The following OBI1 variants were observed in gnomAD, a reference collection of about 807,000 sequenced individuals.
The protein encoded by OBI1 is ring finger protein 219.
OBI1 carries 59 observed loss-of-function variants against 62.4 expected under a neutral mutation model. The observed-to-expected ratio is 0.95, with a 90% CI of 0.77 to 1.17. The LOEUF is 1.17. OBI1 is among the 50% of genes most tolerant of loss of function. The probability of loss-of-function intolerance (pLI) is 0.00; values close to 1 mark genes in which losing one functional copy is unlikely to be tolerated. For synonymous variants in OBI1, 302 were observed against 292.8 expected, an observed-to-expected ratio of 1.03 and a Z score of -0.32; for missense variants, 875 against 830.9, an observed-to-expected ratio of 1.05 and a Z score of -0.65.
rs1300897232 is a variant in OBI1, at chr13:78,644,918, T to G, written c.152A>C (p.Gln51Pro). Reference protein sequence around the residue: ...CIDLWLKNNSQCPACRVPITP... With the variant: ...CIDLWLKNNSPCPACRVPITP... ...GATGGGGACTCTGCAAGCTGGACAC[T>G]GGCTATTATTCTTCAACCACAAATC... The change falls in exon 2 of 6, where the codon CAG (glutamine) becomes CCG (proline). Residue 51 changes from glutamine to proline, a missense_variant. Gln to Pro is a moderately conservative substitution (Grantham distance 76, BLOSUM62 -1). Coordinates refer to ENST00000282003, the MANE Select transcript of OBI1 (RefSeq NM_024546.4). 1 of 1,613,936 alleles carries G rather than the reference T, an allele frequency of 6.2e-7. No homozygotes were observed. Among genetic ancestry groups the G allele is most frequent in the Admixed American group, 1.7e-5 (1 of 59,994 alleles).
intron 4 of OBI1, among the ~76,000 whole-genome samples, chr13:78,636,089 T>C (rs1349443426): frequency 6.6e-6 from 1 of 152,122 alleles, no homozygotes; most frequent in East Asian, 1.9e-4. Context: ...ATAAATTCTA[T>C]GAATTGTTCT....
Position 78,616,439 on chromosome 13 carries a change from T to C in OBI1, c.1322A>G (p.Asp441Gly). ...FCDSSNVSNK[D>G]SSEDDISRSE... ...TCTACTTATATCATCTTCTGAAGAA[T>C]CTTTATTAGAAACATTTGAAGAATC... is the stretch of plus-strand genomic sequence containing the variant. The change falls in exon 6 of 6, where the codon GAT becomes GGT. Residue 441 changes from aspartate to glycine, a missense_variant. Physicochemically the swap from Asp to Gly is moderately conservative, Grantham distance 94. Transcript: ENST00000282003. The C allele has an allele frequency of 3.1e-6, 5 of 1,613,370 alleles. No homozygotes were observed. In the South Asian group the frequency reaches 5.5e-5, roughly 18 times the overall value.
At position 78,635,888 on chromosome 13, in the gene OBI1, G is replaced by A. The variant is rs542020753; in HGVS notation, c.550-690C>T. On this transcript the variant is annotated intron_variant, in intron 4 of 5. Transcript: ENST00000282003. ...GGTGATTCTCCTGTCTCAGCCTCCCGAAGAGCTGGGACTACAGGCATGTGC... is the reference window on the plus strand; with the variant it reads ...GGTGATTCTCCTGTCTCAGCCTCCCAAAGAGCTGGGACTACAGGCATGTGC... Among the ~76,000 whole-genome samples the A allele has an allele frequency of 3.3e-5, 5 of 152,132 alleles. No homozygotes were observed. In the East Asian group the frequency reaches 9.7e-4, roughly 29 times the overall value.
At chr13:78,644,069 T>C (rs999630356) in intron 2 of OBI1, among the ~76,000 whole-genome samples, 6 of 152,142 alleles carry the variant, frequency 3.9e-5, no homozygotes, top group African/African-American at 1.2e-4. Context: ...CCCACCAATA[T>C]TAATGTGACA....
chr13:78,651,450 T>C (rs927828792), intron 1 of OBI1, among the ~76,000 whole-genome samples: 6 of 152,162 alleles, frequency 3.9e-5, no homozygotes, highest in Admixed American at 2.0e-4. Flanking sequence ...GACCTACCAT[T>C]TCAATATTTG....
intron 1 of OBI1, among the ~76,000 whole-genome samples, 190 bp from the exon 2 acceptor site, chr13:78,645,187 G>C (rs1378781664): frequency 6.6e-6 from 1 of 151,846 alleles, no homozygotes; most frequent in African/African-American, 2.4e-5. Context: ...AGAGATACTA[G>C]ATGAGATACT....
intron 5 of OBI1, among the ~76,000 whole-genome samples, chr13:78,618,181 T>A (rs981227): frequency 0.36 from 54,904 of 151,794 alleles, 10,243 homozygotes; most frequent in East Asian, 0.37. Flanking sequence ...AAATACCTTA[T>A]CTCCTCCAAA....
At chr13:78,636,010 G>T (rs1218136968) in intron 4 of OBI1, among the ~76,000 whole-genome samples, 2 of 152,044 alleles carry the variant, frequency 1.3e-5, no homozygotes, top group African/African-American at 4.8e-5. Context: ...TGATCCACCT[G>T]CCCCAGCCTC....
intron 5 of OBI1, among the ~76,000 whole-genome samples, chr13:78,633,080 A>C (rs1875902125): frequency 6.6e-6 from 1 of 152,186 alleles, no homozygotes; most frequent in South Asian, 2.1e-4. Flanking sequence ...AAGAAATAAG[A>C]GCTACAAACA....
rs375507435 is a variant in OBI1, at chr13:78,616,827, G to C, written c.934C>G (p.Leu312Val). ...AGTCTGCTGCTGGAAGGCTTCGCTA[G>C]GTGAGAAGAACTGGAGGTGGATGAG... Reference protein sequence around the residue: ...PGSSTSSSSHLAKPSSSRLCD... With the variant: ...PGSSTSSSSHVAKPSSSRLCD... The change falls in exon 6 of 6, where the codon CTA becomes GTA. Residue 312 changes from leucine (L) to valine (V), a missense_variant. Coordinates refer to ENST00000282003, the MANE Select transcript of OBI1 (RefSeq NM_024546.4). The C allele has an allele frequency of 1.6e-5, 26 of 1,614,054 alleles. No individual in the cohort carries two copies. The East Asian group carries it at 5.1e-4, about 32-fold the overall frequency.
At chr13:78,635,081 A>C in intron 5 of OBI1, 29 bp downstream of exon 5, 1 of 1,348,336 alleles carries the variant, frequency 7.4e-7, no homozygotes, top group Non-Finnish European at 1.0e-6. Flanking sequence ...ACATAATCTG[A>C]AGCATTGCTC....
In OBI1 at chr13:78,655,907, G is replaced by A. The variant is rs371549933; in HGVS notation, c.72+3142C>T. ...ATCTCACAGTATAATACGTGTAGGA[G>A]GGTGAGCAGCACAATCATACTGAAT... On this transcript the variant is annotated intron_variant, in intron 1 of 5. Coordinates refer to ENST00000282003, the MANE Select transcript of OBI1 (RefSeq NM_024546.4). Among the ~76,000 whole-genome samples the A allele has an allele frequency of 1.4e-3, 213 of 152,334 alleles. 1 individual carries two copies. The highest frequency in any genetic ancestry group is 4.9e-3 in the African/African-American group (202 of 41,570).
intron 5 of OBI1, 115 bp from the exon 6 acceptor site, chr13:78,617,237 C>T: frequency 1.3e-6 from 1 of 750,384 alleles, no homozygotes; most frequent in East Asian, 2.8e-5. Flanking sequence ...ACATTTCAGA[C>T]CACTCAATGA....
intron 5 of OBI1, among the ~76,000 whole-genome samples, chr13:78,627,188 T>A (rs1875697444): frequency 1.3e-5 from 2 of 151,774 alleles, no homozygotes; most frequent in Admixed American, 6.6e-5. Context: ...CATACTAAAG[T>A]ACTAAAGTCA....
chr13:78,641,366 C>A (rs1007272620), intron 3 of OBI1, among the ~76,000 whole-genome samples: 1 of 152,062 alleles, frequency 6.6e-6, no homozygotes, highest in Non-Finnish European at 1.5e-5. Flanking sequence ...TGTATTTATA[C>A]CCCACTGCAT....
intron 5 of OBI1, among the ~76,000 whole-genome samples, chr13:78,629,943 G>T (rs1249321375): frequency 6.6e-6 from 1 of 152,128 alleles, no homozygotes; most frequent in Admixed American, 6.5e-5. Context: ...TGTGCTTACT[G>T]AGTAGTACCA....
rs988263274 is a variant in OBI1 at position 78,614,623 on chromosome 13, T to A, written c.*957A>T. ...AAGCAAAAATGCTACCATGCATAGT[T>A]TCCACAAAGAACAGGAACATGCAAA... On this transcript the variant is annotated 3_prime_UTR_variant, in exon 6 of 6. Coordinates refer to ENST00000282003, the MANE Select transcript of OBI1 (RefSeq NM_024546.4). 6.6e-6 allele frequency: 1 copy of A among 152,560 alleles called. No individual in the cohort carries two copies. The highest frequency in any genetic ancestry group is 1.5e-5 in the Non-Finnish European group (1 of 68,026). 9.5% of individuals were successfully genotyped at this position (152,560 alleles called of 1,614,324 possible).
intron 1 of OBI1, among the ~76,000 whole-genome samples, chr13:78,653,771 A>C (rs1038903825): frequency 3.3e-5 from 5 of 152,206 alleles, no homozygotes; most frequent in African/African-American, 7.2e-5. Context: ...CCCTCACTAG[A>C]GACAAGAGCC....
At chr13:78,635,554 T>A (rs76254861) in intron 4 of OBI1, among the ~76,000 whole-genome samples, 2,515 of 152,324 alleles carry the variant, frequency 0.017, 24 homozygotes, top group Non-Finnish European at 0.027. Flanking sequence ...TTATACCACA[T>A]GCAATATCGG....
Sources: allele counts gnomAD v4.1 joint callset (sites outside exome capture counted in the v4.1 genomes callset), GRCh38; gene constraint gnomAD v4.1.1; transcripts MANE v1.5; gene names NCBI Gene and HGNC (gene_info 2026-07-23, HGNC 2026-07-21).